The following POLD3 variants were observed in gnomAD, a reference collection of about 807,000 sequenced individuals.
POLD3 encodes the protein DNA polymerase delta subunit 3.
POLD3 carries 19 observed loss-of-function variants against 58.2 expected under a neutral mutation model. The ratio of observed to expected loss-of-function variants is 0.33; its 90% CI spans 0.23 to 0.48. The LOEUF is 0.48. Among genes scored for constraint, POLD3 ranks in the 20% least tolerant of loss-of-function variants. The pLI is 0.99. For missense variants in POLD3, 504 were observed against 545.5 expected (o/e 0.92, Z 0.76); for synonymous variants, 172 against 193.5 (o/e 0.89, Z 0.92).
chr11:74,641,663 C>T lies in POLD3; in HGVS notation c.*897C>T, dbSNP rs758305923. On this transcript the variant is annotated 3_prime_UTR_variant, in exon 12 of 12. Transcript: ENST00000263681. ...AAAGACTAAAAAGAGAAATCCCTTC[C>T]TATATACAGTGTGCTACATTTACAA... The T allele has an allele frequency of 3.6e-5, 35 of 984,844 alleles. No homozygotes were observed. Among genetic ancestry groups the T allele is most frequent in the Non-Finnish European group, 3.7e-5 (31 of 829,598 alleles). The allele number at this position is 984,844 out of a possible 1,614,324, so 61.0% of individuals were successfully genotyped here. A position where few individuals can be genotyped will look rare whatever the true frequency, so the allele number is the denominator to read the frequency against.
chr11:74,604,626 A>C (rs188282688), intron 2 of POLD3, 66 bp from the exon 3 acceptor site: 5 of 845,332 alleles, frequency 5.9e-6, no homozygotes, highest in Non-Finnish European at 9.9e-6. Flanking sequence ...TAAGTCATTA[A>C]TTAAGAGTTG....
chr11:74,653,175 A>G (rs749722324), intron 4 of POLD3, among the ~76,000 whole-genome samples: 4 of 152,250 alleles, frequency 2.6e-5, no homozygotes. Context: ...AGTTTTTGCC[A>G]AAGTATTGCA....
At chr11:74,622,468 A>G (rs966016802) in intron 7 of POLD3, among the ~76,000 whole-genome samples, 1 of 152,200 alleles carries the variant, frequency 6.6e-6, no homozygotes, top group Non-Finnish European at 1.5e-5. Context: ...TGAGGGGGAA[A>G]ACCTGGATAA....
At chr11:74,625,921 C>G (rs1457851664) in intron 8 of POLD3, among the ~76,000 whole-genome samples, 1 of 143,938 alleles carries the variant, frequency 6.9e-6, no homozygotes, top group Non-Finnish European at 1.5e-5. Flanking sequence ...CTTCAAATTG[C>G]CAAATGAACA....
chr11:74,663,693 C>T (rs528925105), intron 4 of POLD3, among the ~76,000 whole-genome samples: 1 of 152,306 alleles, frequency 6.6e-6, no homozygotes, highest in South Asian at 2.1e-4. Context: ...TTTTCATCAT[C>T]TTTGGATAGT....
At chr11:74,623,692 A>T (rs1403821710) in intron 7 of POLD3, among the ~76,000 whole-genome samples, 1 of 152,252 alleles carries the variant, frequency 6.6e-6, no homozygotes, top group Non-Finnish European at 1.5e-5. Context: ...TTTAAAGGTC[A>T]TAATTGGTTA....
chr11:74,611,644 CT>C (rs1259968961), intron 4 of POLD3, 106 bp downstream of exon 4: 6 of 656,842 alleles, frequency 9.1e-6, no homozygotes, highest in African/African-American at 7.8e-5. Context: ...AGCTATTTAA[CT>C]GAATAGCCCA....
Position 74,618,835 on chromosome 11 carries a change from G to T in POLD3, c.660+31G>T, listed in dbSNP as rs1191124559. 3 of 1,579,220 alleles carry T rather than the reference G, an allele frequency of 1.9e-6. No individual in the cohort carries two copies. In the South Asian group the frequency reaches 3.4e-5, roughly 18 times the overall value. ...TCTTCTTTGAAGATACCCCTTCATT[G>T]CAGCTCAGAGTGGGTAACTAGAAAA... On this transcript the variant is annotated intron_variant, in intron 6 of 11. Coordinates refer to ENST00000263681, the MANE Select transcript of POLD3 (RefSeq NM_006591.3).
chr11:74,646,672 A>G (rs1346138852), downstream of POLD3, among the ~76,000 whole-genome samples: 1 of 152,170 alleles, frequency 6.6e-6, no homozygotes, highest in East Asian at 1.9e-4. Flanking sequence ...CTTGCCTCTG[A>G]CTTAACATTT....
intron 11 of POLD3, among the ~76,000 whole-genome samples, chr11:74,639,006 G>A (rs2032835268): frequency 6.6e-6 from 1 of 152,194 alleles, no homozygotes. Flanking sequence ...AGGGATTGTT[G>A]ATTATGCAGC....
downstream of POLD3, among the ~76,000 whole-genome samples, chr11:74,647,341 C>T (rs1161990033): frequency 2.0e-5 from 3 of 152,184 alleles, no homozygotes; most frequent in Admixed American, 2.0e-4. Flanking sequence ...TTCCCTTGTC[C>T]CTCTTAGTTG....
intron 2 of POLD3, 104 bp from the exon 3 acceptor site, chr11:74,604,588 G>A (rs1216351648): frequency 9.0e-6 from 6 of 670,194 alleles, no homozygotes; most frequent in Non-Finnish European, 1.3e-5. Flanking sequence ...CAGAAAATTT[G>A]ATGGACTACC....
At chr11:74,597,207 C>T (rs1420696071) in intron 2 of POLD3, among the ~76,000 whole-genome samples, 3 of 152,208 alleles carry the variant, frequency 2.0e-5, no homozygotes, top group Non-Finnish European at 4.4e-5. Flanking sequence ...TTTACATTCC[C>T]ACCAACAATG....
chr11:74,621,536 GT>G (rs34051790), intron 7 of POLD3, among the ~76,000 whole-genome samples: 39,822 of 151,604 alleles, frequency 0.26, 5,577 homozygotes, highest in South Asian at 0.42. Context: ...GGCTGTTATG[GT>G]TTTTTTTAAA....
At position 74,620,030 on chromosome 11, in the gene POLD3, G is replaced by A. The variant is rs762619624; in HGVS notation, c.674G>A (p.Gly225Asp). The A allele has an allele frequency of 1.9e-6, 3 of 1,613,724 alleles. No individual in the cohort carries two copies. Among genetic ancestry groups the A allele is most frequent in the Non-Finnish European group, 2.5e-6 (3 of 1,179,638 alleles). Residue 225 changes from glycine (G) to aspartate (D), a missense_variant, in exon 7 of 12, where the codon GGC becomes GAC. Gly to Asp is a moderately conservative substitution (Grantham distance 94). This residue lies in a region of POLD3 where 385 missense variants were observed against 370.5 expected (regional missense o/e 1.04). Coordinates refer to ENST00000263681, the MANE Select transcript of POLD3 (RefSeq NM_006591.3). ...CTGTGCTTGTAGGCATCTGCAGCAG[G>A]CAACAAGGCACCAGGGAAAGGGAAT... is the stretch of plus-strand genomic sequence containing the variant. ...AKEVTNASAA[G>D]NKAPGKGNMM...
Position 74,611,544 on chromosome 11 carries a change from TGTTTTAGTGACTTAGCAA to T in POLD3, c.259+12_259+29del, listed in dbSNP as rs1229155452. The T allele has an allele frequency of 1.9e-6, 3 of 1,547,926 alleles. No individual in the cohort carries two copies. In the African/African-American group the frequency reaches 4.1e-5, roughly 21 times the overall value. ...GAGAGAAGATAAATTGGAAGGTAAG[TGTTTTAGTGACTTAGCAA>T]GTTTTTCCTCTTATGGCATCAGTGT... On this transcript the variant is annotated splice_region_variant and intron_variant, in intron 4 of 11. Coordinates refer to ENST00000263681, the MANE Select transcript of POLD3 (RefSeq NM_006591.3).
At chr11:74,607,600 G>A (rs1430522218) in intron 3 of POLD3, among the ~76,000 whole-genome samples, 1 of 151,440 alleles carries the variant, frequency 6.6e-6, no homozygotes, top group Non-Finnish European at 1.5e-5. Flanking sequence ...TTTATTTTTT[G>A]AGACAGGGTC....
intron 4 of POLD3, among the ~76,000 whole-genome samples, chr11:74,654,319 T>A (rs2033105869): frequency 6.6e-6 from 1 of 152,128 alleles, no homozygotes; most frequent in Non-Finnish European, 1.5e-5. Flanking sequence ...TGAAGTAGAC[T>A]TCAGAACAAG....
chr11:74,603,124 A>C lies in POLD3; in HGVS notation c.117-1568A>C, dbSNP rs186616646. On this transcript the variant is annotated intron_variant, in intron 2 of 11. Transcript: ENST00000263681. ...AAGCTCTAAGAGTGGACTTTGCTTT[A>C]TTCACTGTTCTGTCCCTAAGGCGTA... 5.2e-3 allele frequency among the ~76,000 whole-genome samples: 797 copies of C among 152,324 alleles called. 4 individuals carry two copies. Among genetic ancestry groups the C allele is most frequent in the Non-Finnish European group, 9.3e-3 (630 of 68,010 alleles).
Sources: allele counts gnomAD v4.1 joint callset (sites outside exome capture counted in the v4.1 genomes callset), GRCh38; gene constraint gnomAD v4.1.1; regional missense constraint gnomAD v4.1.1; transcripts MANE v1.5; gene names NCBI Gene and HGNC (gene_info 2026-07-23, HGNC 2026-07-21).